The following ANXA4 variants were observed in gnomAD, a reference collection of about 807,000 sequenced individuals.
ANXA4 encodes annexin A4, also known as 35-beta calcimedin.
A neutral mutation model predicts 49.8 loss-of-function variants in ANXA4; 39 were observed. The ratio of observed to expected loss-of-function variants is 0.78; its 90% CI spans 0.61 to 1.02. The LOEUF is 1.02. Among genes scored for constraint, ANXA4 ranks in the 50% least tolerant of loss-of-function variants. The pLI is 0.00. For synonymous variants in ANXA4, 134 were observed against 152.5 expected, an observed-to-expected ratio of 0.88 and a Z score of 0.89; for missense variants, 360 against 410.1, an observed-to-expected ratio of 0.88 and a Z score of 1.05.
intron 1 of ANXA4, among the ~76,000 whole-genome samples, chr2:69,753,013 TCA>T: frequency 6.6e-6 from 1 of 152,212 alleles, no homozygotes; most frequent in East Asian, 1.9e-4. Flanking sequence ...AAAGCCTAAG[TCA>T]CGTGAGAGCT....
At chr2:69,795,186 G>T (rs746879595) in intron 3 of ANXA4, among the ~76,000 whole-genome samples, 2 of 152,198 alleles carry the variant, frequency 1.3e-5, no homozygotes, top group Non-Finnish European at 2.9e-5. Flanking sequence ...CTGAGGACGG[G>T]AAAACTTAGA....
chr2:69,691,051 A>G (rs963292263), intron 2 of ANXA4, among the ~76,000 whole-genome samples: 1 of 152,132 alleles, frequency 6.6e-6, no homozygotes, highest in African/African-American at 2.4e-5. Context: ...TGTGGGTAGC[A>G]GAAATATCAA....
chr2:69,783,280 C>T (rs939413732), intron 2 of ANXA4, among the ~76,000 whole-genome samples: 20 of 152,066 alleles, frequency 1.3e-4, no homozygotes, highest in African/African-American at 4.4e-4. Flanking sequence ...AGCAGTGGCG[C>T]GATCTTGGCT....
chr2:69,811,707 T>C (rs1673711476), intron 7 of ANXA4, among the ~76,000 whole-genome samples: 1 of 152,208 alleles, frequency 6.6e-6, no homozygotes, highest in Non-Finnish European at 1.5e-5. Flanking sequence ...AAACCAGCTC[T>C]TCTTCCGGAC....
chr2:69,741,365 A>G (rs1465443617), upstream of ANXA4, among the ~76,000 whole-genome samples: 1 of 152,226 alleles, frequency 6.6e-6, no homozygotes, highest in Non-Finnish European at 1.5e-5. Flanking sequence ...GGGGAAGCAG[A>G]TATGAAAACA....
intron 2 of ANXA4, among the ~76,000 whole-genome samples, chr2:69,658,214 A>G (rs565901766): frequency 2.0e-5 from 3 of 152,026 alleles, no homozygotes; most frequent in East Asian, 3.9e-4. Context: ...CCTGGCCAAC[A>G]TGGCAAAACC....
intron 2 of ANXA4, chr2:69,700,240 G>T (rs1678288522): frequency 6.6e-6 from 1 of 152,086 alleles, no homozygotes; most frequent in Non-Finnish European, 1.5e-5. Flanking sequence ...AAAAATGTCG[G>T]ATGTGGTGAA....
intron 2 of ANXA4, among the ~76,000 whole-genome samples, chr2:69,701,142 G>A (rs1011607328): frequency 1.3e-5 from 2 of 151,944 alleles, no homozygotes; most frequent in African/African-American, 4.8e-5. Flanking sequence ...CCCAAATTGT[G>A]GGGATTACAG....
At chr2:69,709,786 T>G (rs1319559577) in intron 2 of ANXA4, among the ~76,000 whole-genome samples, 1 of 152,156 alleles carries the variant, frequency 6.6e-6, no homozygotes, top group Non-Finnish European at 1.5e-5. Context: ...TCACGAATCA[T>G]TATGCAAGCC....
Position 69,804,606 on chromosome 2 carries a change from C to T in ANXA4, c.171C>T (p.Ala57=). 1 of 1,613,578 alleles carries T rather than the reference C, an allele frequency of 6.2e-7. No homozygotes were observed. The highest frequency in any genetic ancestry group is 1.7e-5 in the Admixed American group (1 of 59,970). ...NTAQRQEIRT[A]YKSTIGRDLI... ...CCCAGCGCCAGGAGATCAGGACAGC[C>T]TACAAGAGCACCATCGGCAGGGTAG... Residue 57 remains alanine, a synonymous_variant, in exon 4 of 13, where the codon GCC becomes GCT. Transcript: ENST00000394295.
intron 2 of ANXA4, among the ~76,000 whole-genome samples, chr2:69,672,152 A>G (rs939590705): frequency 1.3e-5 from 2 of 152,200 alleles, no homozygotes; most frequent in African/African-American, 4.8e-5. Context: ...TTCATGAACC[A>G]CAGTTACATG....
At chr2:69,817,628 G>C (rs536052304) in intron 9 of ANXA4, 1 of 152,340 alleles carries the variant, frequency 6.6e-6, no homozygotes, top group Non-Finnish European at 1.5e-5. Context: ...AACACCTTCA[G>C]GAAGAACAGA....
chr2:69,796,352 T>A (rs1485766398), intron 3 of ANXA4, among the ~76,000 whole-genome samples: 1 of 152,200 alleles, frequency 6.6e-6, no homozygotes, highest in African/African-American at 2.4e-5. Context: ...CTGGGGCTCC[T>A]CCCAGTCCCT....
chr2:69,719,990 A>G (rs971075000), intron 2 of ANXA4, among the ~76,000 whole-genome samples: 1 of 152,212 alleles, frequency 6.6e-6, no homozygotes, highest in Non-Finnish European at 1.5e-5. Flanking sequence ...CCAGGCAACC[A>G]GTAAATGATC....
chr2:69,698,691 C>G (rs1487764379), intron 2 of ANXA4, among the ~76,000 whole-genome samples: 1 of 152,148 alleles, frequency 6.6e-6, no homozygotes, highest in Non-Finnish European at 1.5e-5. Flanking sequence ...CTCCATTATG[C>G]AGATGAAGGA....
intron 3 of ANXA4, among the ~76,000 whole-genome samples, chr2:69,729,087 C>A (rs2105443061): frequency 6.6e-6 from 1 of 152,312 alleles, no homozygotes; most frequent in African/African-American, 2.4e-5. Flanking sequence ...GATCTCGGCT[C>A]ACTGCAACCT....
chr2:69,643,818 C>A, upstream of ANXA4: 1 of 1,183,634 alleles, frequency 8.4e-7, no homozygotes, highest in Non-Finnish European at 1.0e-6. Flanking sequence ...GCCGGAAGTG[C>A]CCCTCGGGGC....
chr2:69,775,960 AT>A (rs58035768), intron 1 of ANXA4, among the ~76,000 whole-genome samples: 27,472 of 128,492 alleles, frequency 0.21, 2,941 homozygotes, highest in East Asian at 0.36. Context: ...ATTTATTTTT[AT>A]TTTATTTATT....
At chr2:69,655,974 A>G (rs1676421837) in intron 2 of ANXA4, among the ~76,000 whole-genome samples, 1 of 151,950 alleles carries the variant, frequency 6.6e-6, no homozygotes, top group Admixed American at 6.6e-5. Context: ...GAGTTGAACA[A>G]TGAGAACACA....
Sources: allele counts gnomAD v4.1 joint callset (sites outside exome capture counted in the v4.1 genomes callset), GRCh38; gene constraint gnomAD v4.1.1; transcripts MANE v1.5; gene names NCBI Gene and HGNC (gene_info 2026-07-23, HGNC 2026-07-21).